NDUFB5: variants seen among roughly 807,000 people sequenced by gnomAD.
NDUFB5 encodes NADH:ubiquinone oxidoreductase subunit B5.
A neutral mutation model predicts 19.4 loss-of-function variants in NDUFB5; 19 were observed. The ratio of observed to expected loss-of-function variants is 0.98; its 90% confidence interval spans 0.68 to 1.43. The LOEUF is 1.43. Among genes scored for constraint, NDUFB5 ranks in the 40% most tolerant of loss-of-function variants. The pLI is 0.00. For missense variants in NDUFB5, 233 were observed against 236.5 expected, an observed-to-expected ratio of 0.99 and a Z score of 0.10; for synonymous variants, 80 against 82.6, an observed-to-expected ratio of 0.97 and a Z score of 0.17.
At chr3:179,605,903 C>T (rs534280909) in intron 1 of NDUFB5, among the ~76,000 whole-genome samples, 3 of 152,020 alleles carry the variant, frequency 2.0e-5, no homozygotes, top group Admixed American at 6.6e-5. Context: ...GCGATTCTCC[C>T]GCCTCAGCCT....
chr3:179,605,494 C>T (rs1046382774), intron 1 of NDUFB5, among the ~76,000 whole-genome samples: 1 of 152,096 alleles, frequency 6.6e-6, no homozygotes, highest in East Asian at 1.9e-4. Context: ...GAGACAGAGT[C>T]TCACTCTGTT....
chr3:179,610,133 C>G (rs537772333), intron 1 of NDUFB5, among the ~76,000 whole-genome samples: 1 of 152,122 alleles, frequency 6.6e-6, no homozygotes, highest in South Asian at 2.1e-4. Context: ...TGCTCTGTCA[C>G]CCAGGCTGAA....
intron 5 of NDUFB5, 75 bp downstream of exon 5, chr3:179,618,596 CTA>C (rs754818911): frequency 7.2e-6 from 7 of 978,530 alleles, no homozygotes; most frequent in Non-Finnish European, 1.1e-5. Context: ...ATTAATAAAA[CTA>C]TGAATATTTC....
At position 179,615,043 on chromosome 3, in the gene NDUFB5, G is replaced by GT; in HGVS notation, c.203dup (p.Leu68PhefsTer30). The GT allele has an allele frequency of 1.2e-6, 2 of 1,604,674 alleles. No individual in the cohort carries two copies. The highest frequency in any genetic ancestry group is 1.7e-6 in the Non-Finnish European group (2 of 1,174,114). ...AGACCTTCTAGATTCTATGACAGGC[G>GT]TTTTTTGAAGTTATTGGTAAGTTTA... On this transcript the variant is annotated frameshift_variant, in exon 2 of 6. Coordinates refer to ENST00000259037, the MANE Select transcript of NDUFB5 (RefSeq NM_002492.4). LOFTEE classifies it high-confidence loss of function.
intron 5 of NDUFB5, among the ~76,000 whole-genome samples, chr3:179,618,948 TAA>T (rs1218198262): frequency 6.6e-6 from 1 of 152,194 alleles, no homozygotes; most frequent in South Asian, 2.1e-4. Context: ...TGTGTCAGAT[TAA>T]AGAGTTCTTT....
In NDUFB5 at chr3:179,626,062, C is replaced by T. The variant is rs1475659458; in HGVS notation, c.*2022C>T. The stretch of plus-strand genomic sequence containing the variant: ...TACATTCCTACCAATGGTGGATGAG[C>T]GTTCCCCTTTCTCCACATCCTCACA... On this transcript the variant is annotated 3_prime_UTR_variant, in exon 6 of 6. Transcript: ENST00000259037. The T allele has an allele frequency of 6.6e-6, 1 of 152,080 alleles. No individual in the cohort carries two copies. The highest frequency in any genetic ancestry group is 1.9e-4 in the East Asian group (1 of 5,190). The allele number at this position is 152,080 out of a possible 1,614,324, so 9.4% of individuals were successfully genotyped here. A position where few individuals can be genotyped will look rare whatever the true frequency, so the allele number is the denominator to read the frequency against.
chr3:179,606,846 T>G (rs1029838128), intron 1 of NDUFB5, among the ~76,000 whole-genome samples: 1 of 152,206 alleles, frequency 6.6e-6, no homozygotes, highest in Non-Finnish European at 1.5e-5. Flanking sequence ...CTCCACAGGA[T>G]GAGGCAATAT....
chr3:179,621,699 T>C (rs1719543310), intron 5 of NDUFB5, among the ~76,000 whole-genome samples: 1 of 151,770 alleles, frequency 6.6e-6, no homozygotes, highest in Non-Finnish European at 1.5e-5. Context: ...CAGGCTGGTC[T>C]TGAACTCCTG....
chr3:179,613,054 C>T (rs990901641), intron 1 of NDUFB5, among the ~76,000 whole-genome samples: 7 of 152,052 alleles, frequency 4.6e-5, no homozygotes, highest in Non-Finnish European at 7.4e-5. Flanking sequence ...ATGTTGAATC[C>T]TTTTAGATTT....
chr3:179,613,859 CA>C (rs2108396908), intron 1 of NDUFB5, among the ~76,000 whole-genome samples: 1 of 152,102 alleles, frequency 6.6e-6, no homozygotes, highest in African/African-American at 2.4e-5. Flanking sequence ...TACAGTAATT[CA>C]ACAGTAGGAA....
intron 5 of NDUFB5, among the ~76,000 whole-genome samples, chr3:179,619,593 T>A (rs1423368135): frequency 6.6e-6 from 1 of 152,244 alleles, no homozygotes; most frequent in African/African-American, 2.4e-5. Context: ...CTTAATCCAG[T>A]CTATCACTGT....
chr3:179,612,570 G>A (rs908474346), intron 1 of NDUFB5, among the ~76,000 whole-genome samples: 1 of 150,844 alleles, frequency 6.6e-6, no homozygotes, highest in Non-Finnish European at 1.5e-5. Flanking sequence ...CCGCCTCCTG[G>A]GTTTACTTAC....
At chr3:179,616,601 A>G (rs1444985891) in intron 3 of NDUFB5, among the ~76,000 whole-genome samples, 1 of 152,164 alleles carries the variant, frequency 6.6e-6, no homozygotes, top group African/African-American at 2.4e-5. Flanking sequence ...GACAGTAAAC[A>G]TTAGATTTTC....
At chr3:179,618,230 T>G in intron 4 of NDUFB5, 185 bp from the exon 5 acceptor site, 1 of 456,110 alleles carries the variant, frequency 2.2e-6, no homozygotes. Context: ...TTCACTTATC[T>G]TTAAAATGCG....
At chr3:179,616,923 A>G in intron 3 of NDUFB5, 60 bp from the exon 4 acceptor site, 1 of 1,315,916 alleles carries the variant, frequency 7.6e-7, no homozygotes, top group South Asian at 1.2e-5. Flanking sequence ...TTTAATGGTG[A>G]ATAATTAATT....
In NDUFB5 at chr3:179,604,810, G is replaced by C; in HGVS notation, c.-6G>C. ...GCCTCCCTTCTTCCTCCTGCCCGTAGTAGCCATGGCGGCCATGAGTTTGTT... is the reference window on the plus strand; with the variant it reads ...GCCTCCCTTCTTCCTCCTGCCCGTACTAGCCATGGCGGCCATGAGTTTGTT... On this transcript the variant is annotated 5_prime_UTR_variant, in exon 1 of 6. Transcript: ENST00000259037. 6.2e-7 allele frequency: 1 copy of C among 1,609,976 alleles called. No homozygotes were observed. Among genetic ancestry groups the C allele is most frequent in the Non-Finnish European group, 8.5e-7 (1 of 1,179,042 alleles).
At chr3:179,611,106 C>T (rs956884500) in intron 1 of NDUFB5, among the ~76,000 whole-genome samples, 9 of 152,060 alleles carry the variant, frequency 5.9e-5, no homozygotes, top group African/African-American at 1.7e-4. Flanking sequence ...ACAAAGCCAA[C>T]GTATCTTCAT....
Position 179,621,420 on chromosome 3 carries a change from A to C in NDUFB5, c.450-2500A>C, listed in dbSNP as rs188526499. 3.9e-4 allele frequency among the ~76,000 whole-genome samples: 59 copies of C among 152,086 alleles called. 1 individual carries two copies. Among genetic ancestry groups the C allele is most frequent in the African/African-American group, 1.4e-3 (57 of 41,464 alleles). The stretch of plus-strand genomic sequence containing the variant: ...ATATATTGTCTTTTGGCAGTGTAGA[A>C]ATTTTTGCAACACAGAAGTGTTTTT... On this transcript the variant is annotated intron_variant, in intron 5 of 5. Transcript: ENST00000259037.
At chr3:179,616,205 C>G (rs1161898496) in intron 3 of NDUFB5, among the ~76,000 whole-genome samples, 156 bp downstream of exon 3, 1 of 152,166 alleles carries the variant, frequency 6.6e-6, no homozygotes, top group African/African-American at 2.4e-5. Context: ...AACCAAATCT[C>G]AATCTGAACT....
Sources: allele counts gnomAD v4.1 joint callset (sites outside exome capture counted in the v4.1 genomes callset), GRCh38; gene constraint gnomAD v4.1.1; transcripts MANE v1.5; gene names NCBI Gene and HGNC (gene_info 2026-07-23, HGNC 2026-07-21).